Variants in EXOC4 observed in about 807,000 individuals in gnomAD.
EXOC4 encodes exocyst complex component 4.
In EXOC4, 71 loss-of-function variants were observed where a neutral mutation model predicts 107.2. That is an observed-to-expected ratio of 0.66 (90% CI 0.55 to 0.81). The LOEUF (loss-of-function observed/expected upper bound fraction) is 0.81. Among genes scored for constraint, EXOC4 ranks in the 30% least tolerant of loss-of-function variants. The pLI is 0.00. For missense variants in EXOC4, 1,108 were observed against 1,189.6 expected (o/e 0.93, Z 1.01); for synonymous variants, 456 against 441.2 (o/e 1.03, Z -0.42).
intron 9 of EXOC4, among the ~76,000 whole-genome samples, chr7:133,595,427 T>C (rs1045814348): frequency 2.4e-4 from 37 of 152,332 alleles, no homozygotes; most frequent in African/African-American, 8.4e-4. Flanking sequence ...TTAAGACTTT[T>C]CCCACAAATG....
intron 17 of EXOC4, among the ~76,000 whole-genome samples, chr7:134,057,894 A>C (rs1232331019): frequency 6.6e-6 from 1 of 152,208 alleles, no homozygotes; most frequent in Non-Finnish European, 1.5e-5. Context: ...TATTTGCCCA[A>C]GGTCACATGG....
chr7:133,458,442 C>T (rs1394048915), intron 7 of EXOC4, among the ~76,000 whole-genome samples: 1 of 152,222 alleles, frequency 6.6e-6, no homozygotes, highest in Non-Finnish European at 1.5e-5. Flanking sequence ...CATTTGTCAA[C>T]ATGTCACTCC....
At chr7:133,647,849 TCTC>T (rs1262073897) in intron 10 of EXOC4, among the ~76,000 whole-genome samples, 1 of 152,052 alleles carries the variant, frequency 6.6e-6, no homozygotes, top group South Asian at 2.1e-4. Flanking sequence ...CATAAACAGT[TCTC>T]CTGTTAGGTT....
chr7:133,725,493 A>G (rs112058521), intron 10 of EXOC4, among the ~76,000 whole-genome samples: 2,596 of 152,266 alleles, frequency 0.017, 70 homozygotes, highest in African/African-American at 0.059. Context: ...CTCCTGCCTC[A>G]GCCTCCCGAG....
Position 133,410,723 on chromosome 7 carries a change from C to T in EXOC4, c.1182+35721C>T, listed in dbSNP as rs570131564. On this transcript the variant is annotated intron_variant, in intron 7 of 17. Coordinates refer to ENST00000253861, the MANE Select transcript of EXOC4 (RefSeq NM_021807.4). The stretch of plus-strand genomic sequence containing the variant: ...GAAAATGAAATTTATAACTCTCCTG[C>T]GCAGAAATACTGTTAGCTGTGAGTT... 5.3e-5 allele frequency among the ~76,000 whole-genome samples: 8 copies of T among 152,142 alleles called. No individual in the cohort carries two copies. In the East Asian group the frequency reaches 9.7e-4, roughly 18 times the overall value.
At chr7:133,936,981 T>TA (rs1409207054) in intron 13 of EXOC4, among the ~76,000 whole-genome samples, 1 of 152,180 alleles carries the variant, frequency 6.6e-6, no homozygotes, top group East Asian at 1.9e-4. Flanking sequence ...TTTTCTAATT[T>TA]TAGCCCTCTT....
At chr7:133,973,727 A>C (rs1277525873) in intron 14 of EXOC4, among the ~76,000 whole-genome samples, 1 of 152,242 alleles carries the variant, frequency 6.6e-6, no homozygotes, top group Non-Finnish European at 1.5e-5. Context: ...ATTATTTAGA[A>C]ACCTGATGCA....
chr7:133,747,488 T>G (rs1330890324), intron 10 of EXOC4, among the ~76,000 whole-genome samples: 2 of 152,160 alleles, frequency 1.3e-5, no homozygotes, highest in African/African-American at 4.8e-5. Context: ...CATGTTTAAC[T>G]TGTGGTTAGA....
At chr7:133,984,378 T>C (rs1794066356) in intron 14 of EXOC4, among the ~76,000 whole-genome samples, 1 of 152,230 alleles carries the variant, frequency 6.6e-6, no homozygotes. Context: ...TAGTTTGATA[T>C]TTGGAACAAT....
chr7:133,762,369 A>G (rs1796049930), intron 10 of EXOC4, among the ~76,000 whole-genome samples: 1 of 152,310 alleles, frequency 6.6e-6, no homozygotes, highest in South Asian at 2.1e-4. Context: ...TGGTGAATAT[A>G]TAAGAAGTTC....
intron 10 of EXOC4, among the ~76,000 whole-genome samples, chr7:133,687,286 T>C (rs1794326393): frequency 6.6e-6 from 1 of 151,892 alleles, no homozygotes. Context: ...GTTAAAAGAC[T>C]ACAAATTGGG....
At chr7:133,809,770 G>C (rs1279242119) in intron 10 of EXOC4, among the ~76,000 whole-genome samples, 1 of 152,126 alleles carries the variant, frequency 6.6e-6, no homozygotes, top group Non-Finnish European at 1.5e-5. Context: ...AGTTTATGTT[G>C]TATGATACAG....
chr7:133,994,449 A>G (rs1290550790), intron 14 of EXOC4, among the ~76,000 whole-genome samples: 1 of 152,124 alleles, frequency 6.6e-6, no homozygotes, highest in African/African-American at 2.4e-5. Flanking sequence ...GCAAACCACA[A>G]TGGCGCCTGA....
chr7:133,424,941 G>C (rs557967754), intron 7 of EXOC4, among the ~76,000 whole-genome samples: 1 of 152,276 alleles, frequency 6.6e-6, no homozygotes, highest in East Asian at 1.9e-4. Context: ...AAATGTTAGG[G>C]GAGTTCCCAA....
intron 7 of EXOC4, among the ~76,000 whole-genome samples, chr7:133,394,925 G>A (rs1796936945): frequency 2.6e-5 from 4 of 151,612 alleles, no homozygotes; most frequent in Admixed American, 2.6e-4. Context: ...GAAAAAAAAA[G>A]GGAAAAAAGA....
the EXOC4 span, among the ~76,000 whole-genome samples, chr7:134,096,920 A>T: frequency 1.3e-5 from 2 of 152,028 alleles, no homozygotes; most frequent in Non-Finnish European, 2.9e-5. Context: ...TGCATTCTTC[A>T]ATCAAGTTGA....
intron 13 of EXOC4, among the ~76,000 whole-genome samples, chr7:133,936,258 C>T (rs1161974258): frequency 6.6e-6 from 1 of 152,170 alleles, no homozygotes; most frequent in Non-Finnish European, 1.5e-5. Flanking sequence ...AAAAGATAAC[C>T]CTCGGCTAAA....
intron 14 of EXOC4, among the ~76,000 whole-genome samples, chr7:133,944,312 C>A (rs1474898305): frequency 6.6e-6 from 1 of 152,100 alleles, no homozygotes; most frequent in Non-Finnish European, 1.5e-5. Context: ...TGACAGTTTC[C>A]TAGACTTTCC....
rs536107049 is a variant in EXOC4, at chr7:133,368,450, A to T, written c.1008-6378A>T. ...GCTGGGCCTTAGGAACATCCAGAGT[A>T]TCTATTATCTCCTTTCCTTCCCTCT... On this transcript the variant is annotated intron_variant, in intron 6 of 17. Transcript: ENST00000253861. Among the ~76,000 whole-genome samples, 164 of 152,338 alleles carry T rather than the reference A, an allele frequency of 1.1e-3. 1 individual carries two copies. The highest frequency in any genetic ancestry group is 2.0e-3 in the Non-Finnish European group (133 of 68,026).
Sources: allele counts gnomAD v4.1 joint callset (sites outside exome capture counted in the v4.1 genomes callset), GRCh38; gene constraint gnomAD v4.1.1; transcripts MANE v1.5; gene names NCBI Gene and HGNC (gene_info 2026-07-23, HGNC 2026-07-21).